Variants in GCLC observed in about 807,000 individuals in gnomAD.
The protein encoded by GCLC is glutamate--cysteine ligase catalytic subunit.
GCLC carries 30 observed loss-of-function variants against 81.5 expected under a neutral mutation model. The ratio of observed to expected loss-of-function variants is 0.37; its 90% confidence interval spans 0.28 to 0.50. The LOEUF (loss-of-function observed/expected upper bound fraction) is 0.50. GCLC is among the 20% of genes least tolerant of loss of function. The probability of loss-of-function intolerance (pLI) is 0.96; values close to 1 mark genes in which losing one functional copy is unlikely to be tolerated. For missense variants in GCLC, 556 were observed against 777.4 expected (o/e 0.72, Z 3.39); for synonymous variants, 262 against 273.3 (o/e 0.96, Z 0.41).
intron 12 of GCLC, among the ~76,000 whole-genome samples, chr6:53,502,148 A>T (rs1764525222): frequency 6.6e-6 from 1 of 152,208 alleles, no homozygotes; most frequent in Admixed American, 6.5e-5. Flanking sequence ...TAATTTTTGT[A>T]AATCTTACTC....
At position 53,544,387 on chromosome 6, in the gene GCLC, G is replaced by A. The variant is rs1007762934; in HGVS notation, c.150+109C>T. 7 of 1,145,782 alleles carry A rather than the reference G, an allele frequency of 6.1e-6. No individual in the cohort carries two copies. In the African/African-American group the frequency reaches 9.1e-5, roughly 15 times the overall value. The allele number at this position is 1,145,782 out of a possible 1,614,324, so 71.0% of individuals were successfully genotyped here. A position where few individuals can be genotyped will look rare whatever the true frequency, so the allele number is the denominator to read the frequency against. On this transcript the variant is annotated intron_variant, in intron 1 of 15. Transcript: ENST00000650454. Reference sequence around the variant, plus strand: ...GGGAGGCGCTCGAGGACCCCCGGGCGCAGTGGAGAACGCGGACCGCGATAG... The same window carrying A: ...GGGAGGCGCTCGAGGACCCCCGGGCACAGTGGAGAACGCGGACCGCGATAG...
At chr6:53,499,345 C>G (rs138941183) in intron 15 of GCLC, among the ~76,000 whole-genome samples, 202 of 152,246 alleles carry the variant, frequency 1.3e-3, no homozygotes, top group African/African-American at 4.8e-3. Flanking sequence ...CCTCAGAGGA[C>G]TGTAGGGTCC....
At chr6:53,517,608 T>G (rs2127623992) in intron 3 of GCLC, among the ~76,000 whole-genome samples, 1 of 152,240 alleles carries the variant, frequency 6.6e-6, no homozygotes, top group Middle Eastern at 3.4e-3. Flanking sequence ...AGTAATAAAC[T>G]TAAATCTGAG....
intron 1 of GCLC, among the ~76,000 whole-genome samples, chr6:53,541,496 A>AAC (rs1428347013): frequency 6.6e-6 from 1 of 152,202 alleles, no homozygotes; most frequent in Non-Finnish European, 1.5e-5. Context: ...GACATAACTG[A>AAC]AGCAAATTTA....
In GCLC at chr6:53,520,851, G is replaced by A; in HGVS notation, c.373C>T (p.Arg125Ter). 1.2e-6 allele frequency: 2 copies of A among 1,613,962 alleles called. No individual in the cohort carries two copies. The highest frequency in any genetic ancestry group is 1.7e-6 in the Non-Finnish European group (2 of 1,179,832). ...SEFNTVEANM[R>*]KRRKEATSIL... ...GAAGTAGCCTCCTTCCGGCGTTTTCGCATGTTGGCCTCAACTGTATTGAAC... is the reference window on the plus strand; with the variant it reads ...GAAGTAGCCTCCTTCCGGCGTTTTCACATGTTGGCCTCAACTGTATTGAAC... Residue 125 changes from arginine (R) to a stop codon, truncating the protein, a stop_gained, in exon 3 of 16, where the codon CGA (arginine) becomes TGA (stop). Transcript: ENST00000650454. LOFTEE classifies it high-confidence loss of function.
chr6:53,513,048 A>C (rs1764786339), intron 6 of GCLC: 1 of 152,242 alleles, frequency 6.6e-6, no homozygotes, highest in Non-Finnish European at 1.5e-5. Flanking sequence ...TATACTACCT[A>C]TAAATGTCAA....
intron 1 of GCLC, among the ~76,000 whole-genome samples, chr6:53,531,415 T>C (rs757148668): frequency 3.9e-5 from 6 of 152,174 alleles, no homozygotes; most frequent in Non-Finnish European, 5.9e-5. Context: ...TGTCTAACCC[T>C]ACAGTCAGGA....
intron 12 of GCLC, among the ~76,000 whole-genome samples, chr6:53,503,939 C>T (rs959693315): frequency 1.3e-5 from 2 of 152,178 alleles, no homozygotes; most frequent in African/African-American, 4.8e-5. Context: ...GGTGAGAATA[C>T]TCACCATTAA....
At chr6:53,532,792 A>AG (rs1451910645) in intron 1 of GCLC, among the ~76,000 whole-genome samples, 1 of 151,730 alleles carries the variant, frequency 6.6e-6, no homozygotes, top group Non-Finnish European at 1.5e-5. Flanking sequence ...CAAAGACAAC[A>AG]GGGGGTCTGT....
At chr6:53,516,658 G>A (rs1008507705) in intron 3 of GCLC, among the ~76,000 whole-genome samples, 26 of 152,056 alleles carry the variant, frequency 1.7e-4, no homozygotes, top group Non-Finnish European at 3.4e-4. Context: ...CTGCTGCATG[G>A]CACCACTGCC....
At chr6:53,507,917 G>A (rs879674112) in intron 8 of GCLC, among the ~76,000 whole-genome samples, 2 of 152,024 alleles carry the variant, frequency 1.3e-5, no homozygotes, top group Admixed American at 6.5e-5. Flanking sequence ...AATCTATAAC[G>A]TAAGATAAAC....
intron 6 of GCLC, among the ~76,000 whole-genome samples, chr6:53,510,684 G>T (rs1764722159): frequency 6.6e-6 from 1 of 152,264 alleles, no homozygotes. Context: ...GCAGCTAAGT[G>T]AATATTTTAC....
chr6:53,522,677 T>A (rs1763019531), intron 1 of GCLC, 150 bp from the exon 2 acceptor site: 1 of 614,400 alleles, frequency 1.6e-6, no homozygotes, highest in Non-Finnish European at 2.9e-6. Flanking sequence ...AGCACATAAG[T>A]GTTCATATGC....
intron 4 of GCLC, 41 bp from the exon 5 acceptor site, chr6:53,514,538 A>G: frequency 7.1e-7 from 1 of 1,400,370 alleles, no homozygotes; most frequent in Non-Finnish European, 1.0e-6. Flanking sequence ...GTCACCTAAG[A>G]GTCATCGTGT....
chr6:53,534,126 G>T (rs900278820), intron 1 of GCLC, among the ~76,000 whole-genome samples: 1 of 152,118 alleles, frequency 6.6e-6, no homozygotes, highest in Non-Finnish European at 1.5e-5. Context: ...CACACAACCC[G>T]GGGTGACCCC....
intron 4 of GCLC, among the ~76,000 whole-genome samples, chr6:53,515,699 CTATTT>C (rs1764856950): frequency 6.6e-6 from 1 of 151,890 alleles, no homozygotes; most frequent in Non-Finnish European, 1.5e-5. Flanking sequence ...GGTACTGCAC[CTATTT>C]TATAAGTTAT....
chr6:53,531,272 A>T (rs1229013037), intron 1 of GCLC, among the ~76,000 whole-genome samples: 2 of 152,202 alleles, frequency 1.3e-5, no homozygotes, highest in Admixed American at 1.3e-4. Context: ...ACATAACAAA[A>T]AATAATCGTT....
chr6:53,534,574 G>A (rs75304377), intron 1 of GCLC, among the ~76,000 whole-genome samples: 2,258 of 152,132 alleles, frequency 0.015, 48 homozygotes, highest in African/African-American at 0.051. Flanking sequence ...CCTGAGAAAC[G>A]GGGGAAAATC....
intron 15 of GCLC, among the ~76,000 whole-genome samples, chr6:53,499,767 C>T (rs12524550): frequency 0.031 from 4,698 of 152,060 alleles, 87 homozygotes; most frequent in Middle Eastern, 0.092. Context: ...CACAGTTGGA[C>T]GTAAATGATA....
Sources: gnomAD v4.1 joint callset for allele counts (sites outside exome capture counted in the v4.1 genomes callset) on GRCh38, gnomAD v4.1.1 for gene constraint, MANE v1.5 for transcripts, NCBI Gene and HGNC (gene_info 2026-07-23, HGNC 2026-07-21) for gene names.